COL18A1: variants seen among roughly 807,000 people sequenced by gnomAD.
The protein encoded by COL18A1 is collagen alpha-1(XVIII) chain.
COL18A1 carries 133 observed loss-of-function variants against 168.0 expected under a neutral mutation model. The ratio of observed to expected loss-of-function variants is 0.79; its 90% CI spans 0.69 to 0.91. The LOEUF (loss-of-function observed/expected upper bound fraction) is 0.91. Ranked by LOEUF, COL18A1 falls within the 40% of genes least tolerant of loss-of-function variation. The pLI, the probability that COL18A1 is intolerant of heterozygous loss-of-function variation, is 0.00. For missense variants in COL18A1, 2,126 were observed against 1,925.4 expected, an observed-to-expected ratio of 1.10 and a Z score of -1.95; for synonymous variants, 949 against 809.0, an observed-to-expected ratio of 1.17 and a Z score of -2.94.
At chr21:45,492,636 A>C in intron 23 of COL18A1, 51 bp from the exon 24 acceptor site, 1 of 1,611,142 alleles carries the variant, frequency 6.2e-7, no homozygotes, top group Non-Finnish European at 8.5e-7. Context: ...GGGTCCGGGC[A>C]GGCGCGAGGG....
chr21:45,445,122 C>T (rs1183988146), intron 2 of COL18A1, among the ~76,000 whole-genome samples: 1 of 152,224 alleles, frequency 6.6e-6, no homozygotes, highest in Non-Finnish European at 1.5e-5. Flanking sequence ...TTCCGCCGCC[C>T]TCCCTCCCTC....
chr21:45,456,188 C>T lies in COL18A1; in HGVS notation c.107-12054C>T, dbSNP rs780460277. On this transcript the variant is annotated intron_variant, in intron 2 of 41. Transcript: ENST00000651438. ...ACCACCATCTTCAGGTAGAGCTTCT[C>T]TCTCCTCCTTGCTGGGCGGGGCCCC... 1.9e-6 allele frequency: 3 copies of T among 1,599,798 alleles called. No individual in the cohort carries two copies. The highest frequency in any genetic ancestry group is 1.7e-4 in the Middle Eastern group (1 of 6,020).
intron 2 of COL18A1, among the ~76,000 whole-genome samples, chr21:45,415,620 G>A (rs546365841): frequency 4.5e-4 from 68 of 152,334 alleles, no homozygotes; most frequent in African/African-American, 1.6e-3. Flanking sequence ...GCCGGGGCAG[G>A]CCCCGGACGG....
At position 45,509,410 on chromosome 21, in the gene COL18A1, C is replaced by T. The variant is rs943626418; in HGVS notation, c.3304C>T (p.Pro1102Ser). Reference sequence around the variant, plus strand: ...CGTGGTGCAGCTGCACGACAGCAACCCCTACCCGCGGCGGGAGCACCCCCA... The same window carrying T: ...CGTGGTGCAGCTGCACGACAGCAACTCCTACCCGCGGCGGGAGCACCCCCA... The part of the protein sequence containing the change: ...PPVVQLHDSN[P>S]YPRREHPHPT... The change falls in exon 39 of 42, where the codon CCC (proline) becomes TCC (serine). Residue 1102 changes from proline (P) to serine (S), a missense_variant. Physicochemically the swap from Pro to Ser is moderately conservative, Grantham distance 74 (BLOSUM62 -1). Coordinates refer to ENST00000651438, the MANE Select transcript of COL18A1 (RefSeq NM_001379500.1). 2 of 1,541,640 alleles carry T rather than the reference C, an allele frequency of 1.3e-6. No homozygotes were observed. The highest frequency in any genetic ancestry group is 8.7e-7 in the Non-Finnish European group (1 of 1,144,610).
At chr21:45,489,178 G>T (rs1012586382) in intron 18 of COL18A1, among the ~76,000 whole-genome samples, 3 of 152,232 alleles carry the variant, frequency 2.0e-5, no homozygotes, top group African/African-American at 7.2e-5. Flanking sequence ...GGGAAGGGCC[G>T]TGTGTTTGCT....
In COL18A1 at chr21:45,457,243, A is replaced by T. The variant is rs1231726504; in HGVS notation, c.107-10999A>T. Among the ~76,000 whole-genome samples, 1 of 152,118 alleles carries T rather than the reference A, an allele frequency of 6.6e-6. No individual in the cohort carries two copies. Among genetic ancestry groups the T allele is most frequent in the African/African-American group, 2.4e-5 (1 of 41,426 alleles). Reference sequence around the variant, plus strand: ...GGCAGTGGCGTGACTCACCCCAGGGAGCCGAGATTCCCGCTCAGGTGTGGC... The same window carrying T: ...GGCAGTGGCGTGACTCACCCCAGGGTGCCGAGATTCCCGCTCAGGTGTGGC... On this transcript the variant is annotated intron_variant, in intron 2 of 41. Coordinates refer to ENST00000651438, the MANE Select transcript of COL18A1 (RefSeq NM_001379500.1). The surrounding 1 kb of genome is among the most constrained non-coding windows in gnomAD (Gnocchi z 4.6).
intron 2 of COL18A1, among the ~76,000 whole-genome samples, chr21:45,437,581 TACACACAC>T (rs138345651): frequency 1.5e-4 from 1 of 6,738 alleles, no homozygotes. Flanking sequence ...CACTCTCCTG[TACACACAC>T]ACACTCACAC....
chr21:45,501,919 CCGG>C, intron 32 of COL18A1, among the ~76,000 whole-genome samples: 1 of 105,904 alleles, frequency 9.4e-6, no homozygotes, highest in South Asian at 3.4e-4. Context: ...GGCTCCACAG[CCGG>C]TCACCTCCCT....
chr21:45,492,755 G>C, intron 24 of COL18A1, 42 bp downstream of exon 24: 3 of 791,892 alleles, frequency 3.8e-6, no homozygotes, highest in Non-Finnish European at 5.4e-6. Flanking sequence ...CCCGGCTGGG[G>C]AGGGGTCTCC....
intron 2 of COL18A1, among the ~76,000 whole-genome samples, chr21:45,445,152 TCTC>T (rs2034478050): frequency 6.6e-6 from 1 of 152,236 alleles, no homozygotes; most frequent in Non-Finnish European, 1.5e-5. Context: ...CCACCGGTCA[TCTC>T]CTTTCTGTCC....
At chr21:45,494,698 C>A in intron 27 of COL18A1, 127 bp downstream of exon 27, 1 of 1,447,138 alleles carries the variant, frequency 6.9e-7, no homozygotes, top group Non-Finnish European at 9.6e-7. Context: ...AGTTTTAAAG[C>A]GTGTGGGGCA....
chr21:45,482,392 T>C, intron 14 of COL18A1: 1 of 633,572 alleles, frequency 1.6e-6, no homozygotes, highest in Non-Finnish European at 2.9e-6. Flanking sequence ...GGGAGTCGCC[T>C]GCGTCTGGCC....
At chr21:45,435,900 G>A (rs753702340) in intron 2 of COL18A1, among the ~76,000 whole-genome samples, 4 of 152,192 alleles carry the variant, frequency 2.6e-5, no homozygotes, top group Non-Finnish European at 4.4e-5. Context: ...AACTCCGTGT[G>A]CCCCTCTCTT....
chr21:45,490,439 C>CGGGTCCCTGGGTCTCCATGTGCCCTCGT lies in COL18A1; in HGVS notation c.2031+105_2031+132dup. ...AAAGCTGGCACGAGATGTGCCCTCC[C>CGGGTCCCTGGGTCTCCATGTGCCCTCGT]GGGTCCCTGGGTCTCCATGTGCCCT... is the stretch of plus-strand genomic sequence containing the variant. On this transcript the variant is annotated intron_variant, in intron 20 of 41. Coordinates refer to ENST00000651438, the MANE Select transcript of COL18A1 (RefSeq NM_001379500.1). 4 of 899,660 alleles carry CGGGTCCCTGGGTCTCCATGTGCCCTCGT rather than the reference C, an allele frequency of 4.4e-6. No homozygotes were observed. In the South Asian group the frequency reaches 6.8e-5, roughly 15 times the overall value. The allele number at this position is 899,660 out of a possible 1,614,324, so 55.7% of individuals were successfully genotyped here.
intron 2 of COL18A1, among the ~76,000 whole-genome samples, chr21:45,439,320 C>G (rs548257561): frequency 6.6e-6 from 1 of 152,330 alleles, no homozygotes; most frequent in Admixed American, 6.5e-5. Context: ...CGTTCCGTTT[C>G]GGCTCCTCTG....
intron 32 of COL18A1, 83 bp downstream of exon 32, chr21:45,497,744 A>C: frequency 1.3e-6 from 2 of 1,531,604 alleles, no homozygotes; most frequent in Non-Finnish European, 1.8e-6. Context: ...CCGCCACCAC[A>C]AGCAGGTCCT....
At chr21:45,437,875 C>T (rs1319257785) in intron 2 of COL18A1, among the ~76,000 whole-genome samples, 2 of 69,480 alleles carry the variant, frequency 2.9e-5, no homozygotes, top group East Asian at 9.0e-4. Flanking sequence ...CTCAGACACA[C>T]AGGCACTCTC....
intron 38 of COL18A1, among the ~76,000 whole-genome samples, chr21:45,508,292 GTGGA>G (rs989894130): frequency 1.3e-5 from 2 of 150,310 alleles, no homozygotes; most frequent in African/African-American, 4.9e-5. Flanking sequence ...AGATGGGGAG[GTGGA>G]TGGGTGGTTG....
rs747357360 is a variant in COL18A1, at chr21:45,487,502, G to A, written c.1889G>A (p.Gly630Glu). ...PFWSTARSADGPQGPPGLPGL... is the reference protein window; with the variant it reads ...PFWSTARSADEPQGPPGLPGL... Reference sequence around the variant, plus strand: ...TGGTCAACAGCCCGAAGCGCTGATGGGCCACAGGTAGTGTTGTGAGCTGGG... The same window carrying A: ...TGGTCAACAGCCCGAAGCGCTGATGAGCCACAGGTAGTGTTGTGAGCTGGG... Residue 630 changes from glycine to glutamate, a missense_variant, in exon 17 of 42, where the codon GGG (glycine) becomes GAG (glutamate). Physicochemically the swap from Gly to Glu is moderately conservative, Grantham distance 98 (BLOSUM62 -2). Transcript: ENST00000651438. The A allele has an allele frequency of 6.2e-7, 1 of 1,612,964 alleles. No individual in the cohort carries two copies. Among genetic ancestry groups the A allele is most frequent in the Non-Finnish European group, 8.5e-7 (1 of 1,180,004 alleles).
Sources: allele counts gnomAD v4.1 joint callset (sites outside exome capture counted in the v4.1 genomes callset), GRCh38; gene constraint gnomAD v4.1.1; non-coding constraint Gnocchi (gnomAD v3.1); transcripts MANE v1.5; gene names NCBI Gene and HGNC (gene_info 2026-07-23, HGNC 2026-07-21).